Variants in GPC5 observed in about 807,000 individuals in gnomAD.
The protein encoded by GPC5 is glypican 5.
In GPC5, 47 loss-of-function variants were observed where a neutral mutation model predicts 53.9. That is an observed-to-expected ratio of 0.87 (90% CI 0.69 to 1.11). The LOEUF is 1.11. Ranked by LOEUF, GPC5 falls within the 50% of genes most tolerant of loss-of-function variation. The pLI is 0.00. For missense variants in GPC5, 748 were observed against 713.1 expected, an observed-to-expected ratio of 1.05 and a Z score of -0.56; for synonymous variants, 286 against 263.3, an observed-to-expected ratio of 1.09 and a Z score of -0.84.
At chr13:91,959,057 AACACACACACACACACACACACACAC>A (rs147785443) in intron 6 of GPC5, among the ~76,000 whole-genome samples, 1 of 127,650 alleles carries the variant, frequency 7.8e-6, no homozygotes, top group Non-Finnish European at 1.6e-5. Context: ...GAATGGAGAC[AACACACACACACACACACACACACAC>A]ACACACACAC....
At chr13:92,307,078 T>C (rs1039960000) in intron 7 of GPC5, among the ~76,000 whole-genome samples, 2 of 152,256 alleles carry the variant, frequency 1.3e-5, no homozygotes, top group Non-Finnish European at 2.9e-5. Context: ...TGGAAACGTC[T>C]GCTACTTAAC....
intron 7 of GPC5, among the ~76,000 whole-genome samples, chr13:92,462,849 T>G (rs990361622): frequency 4.6e-5 from 7 of 151,526 alleles, no homozygotes; most frequent in African/African-American, 7.3e-5. Flanking sequence ...CCCGAGTAGG[T>G]GGGATTACAG....
chr13:92,843,678 C>T (rs1393383415), intron 7 of GPC5, among the ~76,000 whole-genome samples: 1 of 152,094 alleles, frequency 6.6e-6, no homozygotes, highest in Non-Finnish European at 1.5e-5. Flanking sequence ...TTTCGTGGTT[C>T]ATTAACCATA....
chr13:92,051,787 A>T (rs2041031867), intron 6 of GPC5, among the ~76,000 whole-genome samples: 1 of 152,198 alleles, frequency 6.6e-6, no homozygotes, highest in Non-Finnish European at 1.5e-5. Flanking sequence ...CAAGAGTGAG[A>T]GAAGAAGAAT....
At chr13:91,568,883 G>C (rs1234787552) in intron 2 of GPC5, among the ~76,000 whole-genome samples, 1 of 151,474 alleles carries the variant, frequency 6.6e-6, no homozygotes, top group East Asian at 1.9e-4. Flanking sequence ...TGAGTAGCTG[G>C]GATTACAGGT....
At chr13:92,380,253 T>C (rs1041644997) in intron 7 of GPC5, among the ~76,000 whole-genome samples, 1 of 152,176 alleles carries the variant, frequency 6.6e-6, no homozygotes, top group African/African-American at 2.4e-5. Context: ...GTGTGCCCTC[T>C]TCATTCGCTT....
chr13:91,619,893 A>G (rs1002569785), intron 2 of GPC5, among the ~76,000 whole-genome samples: 1 of 152,106 alleles, frequency 6.6e-6, no homozygotes, highest in African/African-American at 2.4e-5. Flanking sequence ...TGTGCATAGA[A>G]TTTATTTCTT....
chr13:92,698,125 A>G (rs1050388827), intron 7 of GPC5, among the ~76,000 whole-genome samples: 1 of 151,906 alleles, frequency 6.6e-6, no homozygotes, highest in Non-Finnish European at 1.5e-5. Context: ...GGACTTTCAC[A>G]TCGATGTTCA....
At chr13:92,691,586 C>T (rs1234308925) in intron 7 of GPC5, among the ~76,000 whole-genome samples, 2 of 152,242 alleles carry the variant, frequency 1.3e-5, no homozygotes, top group Non-Finnish European at 2.9e-5. Flanking sequence ...ATCTTGGCTC[C>T]TCCCTCAATT....
chr13:92,385,637 A>G (rs1874647653), intron 7 of GPC5, among the ~76,000 whole-genome samples: 2 of 142,958 alleles, frequency 1.4e-5, no homozygotes, highest in Admixed American at 1.5e-4. Context: ...ATATATACAT[A>G]TATACCTATA....
intron 2 of GPC5, among the ~76,000 whole-genome samples, chr13:91,595,982 T>C (rs2032981227): frequency 6.6e-6 from 1 of 152,216 alleles, no homozygotes; most frequent in Non-Finnish European, 1.5e-5. Flanking sequence ...GGATTTTTCC[T>C]TTTTCTCTTT....
chr13:92,440,967 G>A (rs902372450), intron 7 of GPC5, among the ~76,000 whole-genome samples: 5 of 152,148 alleles, frequency 3.3e-5, no homozygotes, highest in African/African-American at 1.2e-4. Context: ...TTTGTTGGAT[G>A]CAGAGTGTGG....
rs2043160576 is a variant in GPC5 at position 92,313,731 on chromosome 13, G to A, written c.1561+168742G>A. 1.3e-5 allele frequency among the ~76,000 whole-genome samples: 2 copies of A among 152,152 alleles called. 1 individual carries two copies. Among genetic ancestry groups the A allele is most frequent in the Middle Eastern group, 6.8e-3 (2 of 292 alleles). Reference sequence around the variant, plus strand: ...ATCAACACAAGCTAATCAGAGTCAAGGACTACTCCTCCTCCAGAATTTATC... The same window carrying A: ...ATCAACACAAGCTAATCAGAGTCAAAGACTACTCCTCCTCCAGAATTTATC... On this transcript the variant is annotated intron_variant, in intron 7 of 7. Coordinates refer to ENST00000377067, the MANE Select transcript of GPC5 (RefSeq NM_004466.6).
chr13:91,611,569 A>C (rs1335120416), intron 2 of GPC5, among the ~76,000 whole-genome samples: 2 of 152,204 alleles, frequency 1.3e-5, no homozygotes, highest in African/African-American at 4.8e-5. Context: ...CTTATAGTCC[A>C]GTCAAGGTTT....
At chr13:92,728,613 T>A (rs1888713148) in intron 7 of GPC5, among the ~76,000 whole-genome samples, 1 of 151,372 alleles carries the variant, frequency 6.6e-6, no homozygotes, top group Admixed American at 6.6e-5. Context: ...TGTTGACACA[T>A]AAAATACAGC....
intron 7 of GPC5, among the ~76,000 whole-genome samples, chr13:92,366,051 G>A (rs993962401): frequency 1.3e-5 from 2 of 151,494 alleles, no homozygotes; most frequent in East Asian, 3.9e-4. Context: ...CAGAGCAGTA[G>A]GTTTGTCTAC....
At chr13:91,529,492 C>A (rs1017742629) in intron 2 of GPC5, among the ~76,000 whole-genome samples, 1 of 152,148 alleles carries the variant, frequency 6.6e-6, no homozygotes, top group African/African-American at 2.4e-5. Context: ...TTTGATTCAG[C>A]TTTTAAATTT....
chr13:92,256,095 T>G (rs1258012893), intron 7 of GPC5, among the ~76,000 whole-genome samples: 1 of 151,886 alleles, frequency 6.6e-6, no homozygotes, highest in African/African-American at 2.4e-5. Flanking sequence ...ATTCTTCATA[T>G]ATTCTTGATA....
intron 7 of GPC5, among the ~76,000 whole-genome samples, chr13:92,676,586 C>T (rs116677976): frequency 0.01 from 1,537 of 152,182 alleles, 28 homozygotes; most frequent in African/African-American, 0.034. Context: ...AGTCACAGTT[C>T]GACTCGACTG....
Sources: gnomAD v4.1 joint callset for allele counts (sites outside exome capture counted in the v4.1 genomes callset) on GRCh38, gnomAD v4.1.1 for gene constraint, MANE v1.5 for transcripts, NCBI Gene and HGNC (gene_info 2026-07-23, HGNC 2026-07-21) for gene names.